ASTN1: variants seen among roughly 807,000 people sequenced by gnomAD.
ASTN1 encodes astrotactin-1.
A neutral mutation model predicts 140.7 loss-of-function variants in ASTN1; 41 were observed. The ratio of observed to expected loss-of-function variants is 0.29; its 90% CI spans 0.23 to 0.38. The LOEUF (loss-of-function observed/expected upper bound fraction) is 0.38. Among genes scored for constraint, ASTN1 ranks in the 10% least tolerant of loss-of-function variants. ASTN1 has a pLI of 1.00. For synonymous variants in ASTN1, 640 were observed against 652.2 expected (o/e 0.98, Z 0.29); for missense variants, 1,479 against 1,678.8 (o/e 0.88, Z 2.08).
chr1:176,931,533 A>C (rs1366659819), intron 16 of ASTN1, among the ~76,000 whole-genome samples: 1 of 152,232 alleles, frequency 6.6e-6, no homozygotes, highest in Admixed American at 6.5e-5. Context: ...TACCTTGAGC[A>C]AGATGATCCT....
At chr1:177,029,408 T>A (rs370650507) in intron 5 of ASTN1, 8 of 737,190 alleles carry the variant, frequency 1.1e-5, no homozygotes, top group Non-Finnish European at 2.0e-5. Context: ...ATTTGGAAAC[T>A]TGTTTGAGAG....
At chr1:176,976,039 T>G (rs1673347644) in intron 8 of ASTN1, 1 of 152,142 alleles carries the variant, frequency 6.6e-6, no homozygotes, top group Admixed American at 6.5e-5. Flanking sequence ...TAATGAGAGG[T>G]GAAGCAAATT....
At chr1:176,909,134 G>A (rs556171837) in intron 16 of ASTN1, among the ~76,000 whole-genome samples, 6 of 152,320 alleles carry the variant, frequency 3.9e-5, no homozygotes, top group African/African-American at 1.4e-4. Context: ...GCATCGAGTT[G>A]GGTGCCTGTG....
At chr1:176,956,304 C>T (rs544159366) in intron 11 of ASTN1, among the ~76,000 whole-genome samples, 2 of 152,182 alleles carry the variant, frequency 1.3e-5, no homozygotes, top group South Asian at 2.1e-4. Context: ...ATGAATCAGC[C>T]TCCTGTCAAC....
intron 16 of ASTN1, among the ~76,000 whole-genome samples, chr1:176,899,187 C>T (rs1224191739): frequency 6.6e-6 from 1 of 152,204 alleles, no homozygotes; most frequent in Non-Finnish European, 1.5e-5. Context: ...AATCTGTATC[C>T]TACAGCATAC....
At position 177,061,144 on chromosome 1, in the gene ASTN1, G is replaced by A. The variant is rs370163114; in HGVS notation, c.405C>T (p.Asp135=). 36 of 1,611,788 alleles carry A rather than the reference G, an allele frequency of 2.2e-5. No homozygotes were observed. Among genetic ancestry groups the A allele is most frequent in the Non-Finnish European group, 2.8e-5 (33 of 1,179,108 alleles). Residue 135 remains aspartate (D), a synonymous_variant, in exon 2 of 23, where the codon GAC becomes GAT. Transcript: ENST00000361833. ...ACTCATGTTGGGGTTCTTCAGTGGG[G>A]TCTTGTCCAGGAAGGCTTGGGGCAC... ...QDGAPSLPGQ[D]PTEEPQHESA...
At chr1:177,044,177 A>ACG (rs149782149) in intron 2 of ASTN1, among the ~76,000 whole-genome samples, 116 of 32,224 alleles carry the variant, frequency 3.6e-3, no homozygotes, top group South Asian at 0.013. Flanking sequence ...AAAAAAAAAT[A>ACG]CACACACACA....
chr1:177,029,469 T>C, intron 5 of ASTN1, 165 bp downstream of exon 5: 1 of 790,210 alleles, frequency 1.3e-6, no homozygotes, highest in Non-Finnish European at 2.3e-6. Context: ...TCTAGGCTCT[T>C]CTTTCTTCCT....
chr1:177,026,173 G>A (rs1193537202), intron 5 of ASTN1, among the ~76,000 whole-genome samples: 1 of 152,140 alleles, frequency 6.6e-6, no homozygotes, highest in Non-Finnish European at 1.5e-5. Flanking sequence ...AGAGACTTGA[G>A]GGCAGAAGGT....
At chr1:177,047,730 A>G (rs78024942) in intron 2 of ASTN1, among the ~76,000 whole-genome samples, 8,146 of 152,270 alleles carry the variant, frequency 0.053, 314 homozygotes, top group East Asian at 0.18. Context: ...TGAGCAGAGC[A>G]TGGTGAAAAG....
intron 2 of ASTN1, among the ~76,000 whole-genome samples, chr1:177,055,733 G>A (rs1339600087): frequency 6.6e-6 from 1 of 152,138 alleles, no homozygotes; most frequent in Non-Finnish European, 1.5e-5. Context: ...GTCTCCATTT[G>A]TTGCTTAAAG....
At chr1:177,111,695 A>G (rs1202465621) in intron 1 of ASTN1, among the ~76,000 whole-genome samples, 1 of 152,148 alleles carries the variant, frequency 6.6e-6, no homozygotes, top group Admixed American at 6.5e-5. Context: ...CTGGTACGAG[A>G]GTTTAAGTGC....
chr1:176,876,453 T>C, intron 21 of ASTN1, 84 bp downstream of exon 21: 4 of 1,423,268 alleles, frequency 2.8e-6, no homozygotes, highest in Non-Finnish European at 3.9e-6. Context: ...TCTATTCAAC[T>C]CTCTTGGTCC....
chr1:176,867,086 A>G (rs1668153046), intron 22 of ASTN1, among the ~76,000 whole-genome samples: 1 of 152,010 alleles, frequency 6.6e-6, no homozygotes, highest in Non-Finnish European at 1.5e-5. Context: ...CGGTGGCCTT[A>G]CTTTACAACA....
At chr1:176,874,951 G>GT (rs1668501505) in intron 21 of ASTN1, among the ~76,000 whole-genome samples, 1 of 152,146 alleles carries the variant, frequency 6.6e-6, no homozygotes, top group South Asian at 2.1e-4. Flanking sequence ...CCTCCCAGGT[G>GT]TTAGTGACCT....
In ASTN1 at chr1:176,949,237, T is replaced by C. The variant is rs760946486; in HGVS notation, c.2002A>G (p.Met668Val). ...GTGGGGTCGTCCGGGAAGGGCGCCA[T>C]CTGCTGGAGGCACAGCTGCTCACAG... ...GGCEQLCLQQ[M>V]APFPDDPTLY... The change falls in exon 12 of 23, where the codon ATG (methionine) becomes GTG (valine). Residue 668 changes from methionine (M) to valine (V), a missense_variant. This residue lies in a region of ASTN1 where 746 missense variants were observed against 800.9 expected (regional missense o/e 0.93). Coordinates refer to ENST00000361833, the MANE Select transcript of ASTN1 (RefSeq NM_004319.3). 1.9e-5 allele frequency: 31 copies of C among 1,614,114 alleles called. No homozygotes were observed. Among genetic ancestry groups the C allele is most frequent in the Non-Finnish European group, 1.4e-5 (16 of 1,180,028 alleles).
Position 176,952,274 on chromosome 1 carries a change from AAC to A in ASTN1, c.1888-2925_1888-2924del, listed in dbSNP as rs144279619. 2.7e-4 allele frequency among the ~76,000 whole-genome samples: 40 copies of A among 149,434 alleles called. 1 individual carries two copies. The highest frequency in any genetic ancestry group is 4.0e-4 in the Admixed American group (6 of 14,970). On this transcript the variant is annotated intron_variant, in intron 11 of 22. Transcript: ENST00000361833. The stretch of plus-strand genomic sequence containing the variant: ...TTCTCTCTCTCTTTTCAAACACACA[AAC>A]ACACACACACACACACGCACATGCA...
At chr1:176,991,398 C>T (rs559635939) in intron 8 of ASTN1, among the ~76,000 whole-genome samples, 4 of 129,892 alleles carry the variant, frequency 3.1e-5, no homozygotes, top group African/African-American at 5.8e-5. Flanking sequence ...GGGCAACAAA[C>T]GCTAAACTCT....
intron 16 of ASTN1, among the ~76,000 whole-genome samples, chr1:176,923,593 T>C (rs1670830278): frequency 6.6e-6 from 1 of 152,238 alleles, no homozygotes; most frequent in African/African-American, 2.4e-5. Flanking sequence ...ATCTAACTTT[T>C]ATTACAGTAT....
Sources: allele counts gnomAD v4.1 joint callset (sites outside exome capture counted in the v4.1 genomes callset), GRCh38; gene constraint gnomAD v4.1.1; regional missense constraint gnomAD v4.1.1; transcripts MANE v1.5; gene names NCBI Gene and HGNC (gene_info 2026-07-23, HGNC 2026-07-21).